The following TKT variants were observed in gnomAD, a reference collection of about 807,000 sequenced individuals.
TKT encodes epididymis luminal protein 107.
TKT carries 47 observed loss-of-function variants against 63.9 expected under a neutral mutation model. The observed-to-expected ratio is 0.74, with a 90% CI of 0.58 to 0.94. The LOEUF is 0.94. TKT is among the 40% of genes least tolerant of loss of function. The pLI is 0.00. For synonymous variants in TKT, 338 were observed against 334.1 expected (o/e 1.01, Z -0.13); for missense variants, 721 against 846.2 (o/e 0.85, Z 1.84).
chr3:53,251,626 G>C (rs1033986568), intron 1 of TKT, among the ~76,000 whole-genome samples: 2 of 152,246 alleles, frequency 1.3e-5, no homozygotes, highest in African/African-American at 4.8e-5. Context: ...AAACGAGCCT[G>C]GGTCCTCACA....
chr3:53,230,041 C>G (rs1468015848), intron 8 of TKT, among the ~76,000 whole-genome samples: 1 of 152,216 alleles, frequency 6.6e-6, no homozygotes, highest in African/African-American at 2.4e-5. Context: ...CCAGAGTTCC[C>G]TCATCTCTGC....
intron 1 of TKT, among the ~76,000 whole-genome samples, chr3:53,245,091 G>C (rs1396072614): frequency 6.6e-6 from 1 of 151,670 alleles, no homozygotes; most frequent in Non-Finnish European, 1.5e-5. Flanking sequence ...ATCACCTGAG[G>C]TCAGGAGTTT....
At chr3:53,246,851 CAAAA>C (rs11305678) in intron 1 of TKT, among the ~76,000 whole-genome samples, 4 of 133,658 alleles carry the variant, frequency 3.0e-5, no homozygotes, top group Admixed American at 7.4e-5. Context: ...AACTCCGTCT[CAAAA>C]AAAAAAAAAA....
intron 12 of TKT, 84 bp downstream of exon 12, chr3:53,227,971 GA>G (rs1490977343): frequency 8.5e-7 from 1 of 1,181,002 alleles, no homozygotes; most frequent in African/African-American, 1.5e-5. Flanking sequence ...CTTCAAGAAA[GA>G]ACAGAAAGAA....
intron 6 of TKT, 103 bp from the exon 7 acceptor site, chr3:53,231,653 G>A: frequency 8.0e-7 from 1 of 1,248,888 alleles, no homozygotes; most frequent in Non-Finnish European, 1.1e-6. Flanking sequence ...CCGAGGGCAA[G>A]GGAGGAATGG....
chr3:53,235,213 T>C lies in TKT; in HGVS notation c.438-39A>G, dbSNP rs782148159. The C allele has an allele frequency of 1.0e-5, 16 of 1,546,310 alleles. No homozygotes were observed. In the Admixed American group the frequency reaches 2.9e-4, roughly 28 times the overall value. On this transcript the variant is annotated intron_variant, in intron 4 of 13. Coordinates refer to ENST00000462138, the MANE Select transcript of TKT (RefSeq NM_001064.4). ...GTGAATCAGGCCAGTCCCTCTCACC[T>C]GGACCCAGCTGGCTCCCACCCCCCC...
At chr3:53,230,884 C>T (rs781940621) in intron 7 of TKT, among the ~76,000 whole-genome samples, 44 of 152,256 alleles carry the variant, frequency 2.9e-4, no homozygotes, top group Non-Finnish European at 2.6e-4. Context: ...TTCCCGCCTG[C>T]TGCACCAGGT....
chr3:53,235,409 A>C, intron 4 of TKT: 1 of 446,784 alleles, frequency 2.2e-6, no homozygotes, highest in Non-Finnish European at 4.0e-6. Flanking sequence ...CTCAGGAAGA[A>C]GTACTGGTTG....
chr3:53,227,802 A>G, intron 12 of TKT: 1 of 418,342 alleles, frequency 2.4e-6, no homozygotes. Flanking sequence ...TCTGGCCACC[A>G]TGCTGGGGGG....
chr3:53,236,790 G>C (rs1323820151), intron 4 of TKT, among the ~76,000 whole-genome samples: 1 of 152,204 alleles, frequency 6.6e-6, no homozygotes, highest in African/African-American at 2.4e-5. Context: ...AGGGCCATCA[G>C]GCTCAGGTCA....
chr3:53,235,663 A>G (rs1545857), intron 4 of TKT: 147,898 of 153,282 alleles, frequency 0.96, 71,573 homozygotes, highest in East Asian at 1. Context: ...AGGTGGGCCA[A>G]GGAGGCCTGA....
intron 5 of TKT, 36 bp downstream of exon 5, chr3:53,234,947 G>A: frequency 1.3e-6 from 2 of 1,573,986 alleles, no homozygotes; most frequent in South Asian, 2.3e-5. Context: ...ACTCTCCCGT[G>A]CTGTGACCAC....
intron 12 of TKT, 149 bp downstream of exon 12, chr3:53,227,907 A>T (rs7609596): frequency 0.99 from 694,408 of 702,186 alleles, 343,746 homozygotes; most frequent in East Asian, 1. Flanking sequence ...AAGGATGGCT[A>T]TAATTGCTAT....
Position 53,241,250 on chromosome 3 carries a change from C to G in TKT, c.226-5G>C, listed in dbSNP as rs1553679797. On this transcript the variant is annotated splice_region_variant and splice_polypyrimidine_tract_variant and intron_variant, in intron 2 of 13. Transcript: ENST00000462138. ...GAGGATGGGAGCTGCATGGCCCTGC[C>G]GGGAGATGGATGGTGGGGTGAGGTC... 3.8e-6 allele frequency: 6 copies of G among 1,595,178 alleles called. No individual in the cohort carries two copies. The highest frequency in any genetic ancestry group is 5.1e-6 in the Non-Finnish European group (6 of 1,173,588).
At chr3:53,241,777 G>A in intron 2 of TKT, 1 of 329,224 alleles carries the variant, frequency 3.0e-6, no homozygotes, top group Non-Finnish European at 5.9e-6. Flanking sequence ...AGAGCAGGTA[G>A]GGAGCCACAA....
At chr3:53,243,952 C>A (rs1414499419) in intron 1 of TKT, among the ~76,000 whole-genome samples, 1 of 152,156 alleles carries the variant, frequency 6.6e-6, no homozygotes, top group Non-Finnish European at 1.5e-5. Context: ...CCATCCACCT[C>A]GACACCCCGG....
intron 4 of TKT, among the ~76,000 whole-genome samples, chr3:53,238,611 T>C (rs1272690179): frequency 6.6e-6 from 1 of 152,218 alleles, no homozygotes; most frequent in Non-Finnish European, 1.5e-5. Flanking sequence ...TGCCATCAGC[T>C]GCAGAACTGG....
intron 1 of TKT, among the ~76,000 whole-genome samples, chr3:53,253,949 GCCA>G (rs1304283279): frequency 1.3e-5 from 2 of 152,042 alleles, no homozygotes; most frequent in Admixed American, 6.6e-5. Context: ...GTACGGAATG[GCCA>G]CCAATTCCCA....
At chr3:53,249,232 AGTGCTGGGATTACAGGT>A (rs1432265381) in intron 1 of TKT, among the ~76,000 whole-genome samples, 1 of 151,238 alleles carries the variant, frequency 6.6e-6, no homozygotes, top group Non-Finnish European at 1.5e-5. Context: ...GGCCTCCCAA[AGTGCTGGGATTACAGGT>A]GTGAGCTATC....
Sources: gnomAD v4.1 joint callset for allele counts (sites outside exome capture counted in the v4.1 genomes callset) on GRCh38, gnomAD v4.1.1 for gene constraint, MANE v1.5 for transcripts, NCBI Gene and HGNC (gene_info 2026-07-23, HGNC 2026-07-21) for gene names.